The following CDH12 variants were observed in gnomAD, a reference collection of about 807,000 sequenced individuals.
The protein encoded by CDH12 is cadherin 12.
Under a neutral mutation model 74.1 loss-of-function variants are expected in CDH12, and 41 were observed. The ratio of observed to expected loss-of-function variants is 0.55; its 90% CI spans 0.43 to 0.72. The LOEUF is 0.72. Ranked by LOEUF, CDH12 falls within the 30% of genes least tolerant of loss-of-function variation. CDH12 has a pLI of 0.00. For synonymous variants in CDH12, 399 were observed against 355.0 expected (o/e 1.12, Z -1.39); for missense variants, 945 against 977.2 (o/e 0.97, Z 0.44).
intron 1 of CDH12, among the ~76,000 whole-genome samples, chr5:22,739,253 CCTAT>C (rs577859982): frequency 3.2e-4 from 48 of 151,610 alleles, no homozygotes; most frequent in African/African-American, 1.1e-3. Context: ...TGTATTAGGG[CCTAT>C]CTAATTTTGT....
chr5:22,292,169 C>T (rs142876193), intron 3 of CDH12, among the ~76,000 whole-genome samples: 231 of 151,924 alleles, frequency 1.5e-3, no homozygotes, highest in Admixed American at 5.6e-3. Context: ...GAAATTAAAC[C>T]CTTATCTCAT....
At chr5:22,649,538 A>G (rs1419897024) in intron 1 of CDH12, among the ~76,000 whole-genome samples, 1 of 152,048 alleles carries the variant, frequency 6.6e-6, no homozygotes, top group Non-Finnish European at 1.5e-5. Flanking sequence ...GTGACTGTCA[A>G]TTTAGCATTT....
intron 1 of CDH12, among the ~76,000 whole-genome samples, chr5:22,803,087 A>G (rs1324118949): frequency 6.6e-6 from 1 of 152,186 alleles, no homozygotes; most frequent in Non-Finnish European, 1.5e-5. Context: ...ACCATCTTGC[A>G]TGGCTTTTAT....
At chr5:22,085,474 T>C (rs1274096953) in intron 4 of CDH12, among the ~76,000 whole-genome samples, 1 of 152,196 alleles carries the variant, frequency 6.6e-6, no homozygotes, top group African/African-American at 2.4e-5. Context: ...ATTCTAATAC[T>C]AACTGCATAT....
At chr5:21,768,998 T>C (rs1020365795) in intron 11 of CDH12, among the ~76,000 whole-genome samples, 1 of 151,986 alleles carries the variant, frequency 6.6e-6, no homozygotes, top group African/African-American at 2.4e-5. Flanking sequence ...TCCATATTAA[T>C]ACAAGGAAGA....
intron 3 of CDH12, among the ~76,000 whole-genome samples, chr5:22,228,491 G>A (rs1444698724): frequency 6.6e-6 from 1 of 152,050 alleles, no homozygotes; most frequent in South Asian, 2.1e-4. Flanking sequence ...TTACCCCTCT[G>A]TATATAAATG....
At chr5:22,275,133 CA>C (rs1434411095) in intron 3 of CDH12, among the ~76,000 whole-genome samples, 1 of 151,952 alleles carries the variant, frequency 6.6e-6, no homozygotes, top group Non-Finnish European at 1.5e-5. Flanking sequence ...GTCAGGAGGT[CA>C]GGGGCAAGGG....
intron 3 of CDH12, among the ~76,000 whole-genome samples, chr5:22,247,492 T>C (rs2150385091): frequency 6.6e-6 from 1 of 152,088 alleles, no homozygotes; most frequent in Admixed American, 6.5e-5. Context: ...CTAGGCAATA[T>C]GGTAAAAAAC....
chr5:22,433,011 C>G (rs1246374789), intron 2 of CDH12, among the ~76,000 whole-genome samples: 4 of 152,060 alleles, frequency 2.6e-5, no homozygotes, highest in African/African-American at 7.2e-5. Context: ...ATTCCACATT[C>G]ACTACTTTCC....
intron 2 of CDH12, among the ~76,000 whole-genome samples, chr5:22,451,311 T>A (rs1162696211): frequency 6.6e-6 from 1 of 151,956 alleles, no homozygotes; most frequent in Non-Finnish European, 1.5e-5. Context: ...ACAAGCACAT[T>A]AAATTTATTT....
intron 6 of CDH12, among the ~76,000 whole-genome samples, chr5:21,885,618 T>A (rs749656147): frequency 5.4e-4 from 82 of 152,336 alleles, no homozygotes; most frequent in Non-Finnish European, 9.8e-4. Flanking sequence ...GTGTATTGAT[T>A]TATATGAGTT....
intron 6 of CDH12, among the ~76,000 whole-genome samples, chr5:21,893,507 T>A (rs2150046464): frequency 6.6e-6 from 1 of 152,350 alleles, no homozygotes; most frequent in Middle Eastern, 3.4e-3. Context: ...AGCTTACATT[T>A]ATTGTCACCA....
intron 6 of CDH12, among the ~76,000 whole-genome samples, chr5:21,867,674 A>G (rs1213411616): frequency 1.3e-5 from 2 of 152,202 alleles, no homozygotes; most frequent in Non-Finnish European, 2.9e-5. Context: ...TCCCCATTGT[A>G]TCTAGGAAGT....
intron 5 of CDH12, among the ~76,000 whole-genome samples, chr5:21,990,526 G>A (rs1580076473): frequency 6.6e-6 from 1 of 151,762 alleles, no homozygotes; most frequent in African/African-American, 2.4e-5. Flanking sequence ...TTCACAGTTT[G>A]TTTTCCTTCA....
chr5:21,761,760 T>TAGAC (rs1744736900), intron 12 of CDH12, among the ~76,000 whole-genome samples: 1 of 151,750 alleles, frequency 6.6e-6, no homozygotes, highest in Non-Finnish European at 1.5e-5. Context: ...GATAGATAGA[T>TAGAC]AGATAGATAG....
At chr5:21,817,511 T>C (rs1166134820) in intron 8 of CDH12, among the ~76,000 whole-genome samples, 1 of 151,782 alleles carries the variant, frequency 6.6e-6, no homozygotes, top group South Asian at 2.1e-4. Flanking sequence ...TAAAAAGTTA[T>C]AGATACATAG....
chr5:22,597,693 T>G (rs1269205044), intron 1 of CDH12, among the ~76,000 whole-genome samples: 1 of 152,186 alleles, frequency 6.6e-6, no homozygotes, highest in Non-Finnish European at 1.5e-5. Context: ...CTATAACAGG[T>G]GCTCAATAAA....
chr5:22,132,971 C>T (rs1202291256), intron 4 of CDH12, among the ~76,000 whole-genome samples: 3 of 152,086 alleles, frequency 2.0e-5, no homozygotes, highest in East Asian at 3.9e-4. Context: ...CACTCCAAAA[C>T]TAAATATTAT....
intron 12 of CDH12, among the ~76,000 whole-genome samples, 192 bp from the exon 13 acceptor site, chr5:21,760,867 A>C (rs2149871219): frequency 6.6e-6 from 1 of 152,308 alleles, no homozygotes; most frequent in African/African-American, 2.4e-5. Context: ...AACGACAGGT[A>C]CAATTATAGA....
Sources: allele counts gnomAD v4.1 joint callset (sites outside exome capture counted in the v4.1 genomes callset), GRCh38; gene constraint gnomAD v4.1.1; transcripts MANE v1.5; gene names NCBI Gene and HGNC (gene_info 2026-07-23, HGNC 2026-07-21).